MAPRE2: variants seen among roughly 807,000 people sequenced by gnomAD.
MAPRE2 encodes microtubule-associated protein RP/EB family member 2.
MAPRE2 carries 13 observed loss-of-function variants against 43.2 expected under a neutral mutation model. That is an observed-to-expected ratio of 0.30 (90% CI 0.20 to 0.48). The LOEUF is 0.48. MAPRE2 is among the 20% of genes least tolerant of loss of function. The pLI, the probability that MAPRE2 is intolerant of heterozygous loss-of-function variation, is 0.99. For missense variants in MAPRE2, 161 were observed against 400.2 expected, an observed-to-expected ratio of 0.40 and a Z score of 5.10; for synonymous variants, 135 against 148.8, an observed-to-expected ratio of 0.91 and a Z score of 0.68.
Position 35,080,727 on chromosome 18 carries a change from G to A in MAPRE2, c.250+10405G>A, listed in dbSNP as rs1453613709. ...GGAGTGTCAGAAATCACTGTCAAAT[G>A]TTTGGGCATGTTAGAATTGCATACC... On this transcript the variant is annotated intron_variant, in intron 2 of 6. Transcript: ENST00000300249. Among the ~76,000 whole-genome samples, 5 of 152,010 alleles carry A rather than the reference G, an allele frequency of 3.3e-5. No individual in the cohort carries two copies. The South Asian group carries it at 6.2e-4, about 19-fold the overall frequency.
chr18:35,132,300 T>C, intron 6 of MAPRE2, 110 bp downstream of exon 6: 1 of 984,938 alleles, frequency 1.0e-6, no homozygotes, highest in Non-Finnish European at 1.5e-6. Flanking sequence ...TGAGAATTAC[T>C]GCTCAGCCAA....
At chr18:35,003,295 G>C (rs1442067394) in intron 1 of MAPRE2, among the ~76,000 whole-genome samples, 3 of 152,164 alleles carry the variant, frequency 2.0e-5, no homozygotes, top group Non-Finnish European at 4.4e-5. Context: ...TCAAATGACT[G>C]CTATTAAGGT....
At chr18:35,021,097 G>T (rs951513932) in intron 2 of MAPRE2, among the ~76,000 whole-genome samples, 1 of 152,132 alleles carries the variant, frequency 6.6e-6, no homozygotes, top group East Asian at 1.9e-4. Context: ...CATCTCAAGG[G>T]GGCAGAGAGA....
rs964746935 is a variant in MAPRE2 at position 35,140,710 on chromosome 18, C to G, written c.*341C>G. The G allele has an allele frequency of 2.9e-5, 8 of 280,432 alleles. No homozygotes were observed. The highest frequency in any genetic ancestry group is 1.7e-4 in the African/African-American group (8 of 46,896). 17.4% of individuals were successfully genotyped at this position (280,432 alleles called of 1,614,324 possible). ...CACTGCCACCACCCCTCTTTTTATCCTGGTGTGAAACAATGGTAATTTGAT... is the reference window on the plus strand; with the variant it reads ...CACTGCCACCACCCCTCTTTTTATCGTGGTGTGAAACAATGGTAATTTGAT... On this transcript the variant is annotated 3_prime_UTR_variant, in exon 7 of 7. Coordinates refer to ENST00000300249, the MANE Select transcript of MAPRE2 (RefSeq NM_014268.4).
intron 2 of MAPRE2, among the ~76,000 whole-genome samples, chr18:35,029,374 A>G (rs773799625): frequency 2.6e-5 from 4 of 152,184 alleles, no homozygotes; most frequent in Non-Finnish European, 2.9e-5. Context: ...GGTACACACC[A>G]GACTTGACAG....
At chr18:35,023,990 A>G (rs2097043555) in intron 2 of MAPRE2, among the ~76,000 whole-genome samples, 1 of 152,210 alleles carries the variant, frequency 6.6e-6, no homozygotes, top group African/African-American at 2.4e-5. Flanking sequence ...TTATTTAATC[A>G]CAAATGTCAA....
intron 1 of MAPRE2, among the ~76,000 whole-genome samples, chr18:35,055,300 A>AT (rs1906159141): frequency 6.6e-6 from 1 of 151,974 alleles, no homozygotes; most frequent in Non-Finnish European, 1.5e-5. Context: ...TTTGGCCCCC[A>AT]TGTGCTCCTT....
intron 2 of MAPRE2, among the ~76,000 whole-genome samples, chr18:35,016,957 CTTGAG>C (rs1247534051): frequency 2.6e-5 from 4 of 151,908 alleles, no homozygotes; most frequent in Non-Finnish European, 5.9e-5. Flanking sequence ...TTTAATCCAT[CTTGAG>C]TTAACTTTTG....
At position 35,137,016 on chromosome 18, in the gene MAPRE2, A is replaced by G. The variant is rs184043534; in HGVS notation, c.910-3279A>G. Among the ~76,000 whole-genome samples, 12 of 152,332 alleles carry G rather than the reference A, an allele frequency of 7.9e-5. No individual in the cohort carries two copies. In the East Asian group the frequency reaches 2.3e-3, roughly 29 times the overall value. On this transcript the variant is annotated intron_variant, in intron 6 of 6. Transcript: ENST00000300249. ...ATGGGTTTAAGTTCTTCATTCTCGT[A>G]TAAGGCATAGAAAAAGATTGTTTTT... is the stretch of plus-strand genomic sequence containing the variant.
chr18:35,064,907 C>G (rs1399313890), intron 1 of MAPRE2, among the ~76,000 whole-genome samples: 1 of 152,200 alleles, frequency 6.6e-6, no homozygotes, highest in African/African-American at 2.4e-5. Flanking sequence ...TGGTCACTAT[C>G]CACAGACAAG....
At chr18:35,017,463 G>A (rs896649394) in intron 2 of MAPRE2, among the ~76,000 whole-genome samples, 1 of 151,712 alleles carries the variant, frequency 6.6e-6, no homozygotes, top group East Asian at 1.9e-4. Flanking sequence ...ATTTGTTTGT[G>A]TCATCTCTGA....
At chr18:35,062,368 T>C (rs1906575607) in intron 1 of MAPRE2, among the ~76,000 whole-genome samples, 1 of 152,266 alleles carries the variant, frequency 6.6e-6, no homozygotes. Context: ...GATAAATCTC[T>C]TTTTAAATTC....
intron 4 of MAPRE2, among the ~76,000 whole-genome samples, chr18:35,112,021 T>C (rs139801628): frequency 6.6e-6 from 1 of 152,204 alleles, no homozygotes; most frequent in Admixed American, 6.5e-5. Flanking sequence ...ACCTTACGTA[T>C]GTCTTTAAGG....
chr18:35,009,122 A>G (rs954170929), intron 2 of MAPRE2, among the ~76,000 whole-genome samples: 2 of 152,162 alleles, frequency 1.3e-5, no homozygotes, highest in African/African-American at 4.8e-5. Flanking sequence ...ACTAAGATAT[A>G]TGTAAACGAC....
chr18:35,028,656 T>C (rs2097046431), intron 2 of MAPRE2, among the ~76,000 whole-genome samples: 1 of 152,172 alleles, frequency 6.6e-6, no homozygotes, highest in Admixed American at 6.5e-5. Context: ...TTTGGCAAGC[T>C]CTGCTACAAC....
intron 2 of MAPRE2, among the ~76,000 whole-genome samples, chr18:35,094,816 A>G (rs771019306): frequency 6.6e-6 from 1 of 152,004 alleles, no homozygotes; most frequent in Non-Finnish European, 1.5e-5. Flanking sequence ...AGACCCCACC[A>G]CTCTGCCACC....
At chr18:35,032,940 G>A (rs939239264) in intron 2 of MAPRE2, among the ~76,000 whole-genome samples, 1 of 152,028 alleles carries the variant, frequency 6.6e-6, no homozygotes, top group Non-Finnish European at 1.5e-5. Context: ...ACAGATAGTT[G>A]CTGATTCCCA....
chr18:35,074,417 C>T (rs1294683339), intron 2 of MAPRE2, among the ~76,000 whole-genome samples: 1 of 151,860 alleles, frequency 6.6e-6, no homozygotes, highest in Non-Finnish European at 1.5e-5. Context: ...CTTTAGATAC[C>T]TTAGTGGAGG....
At chr18:35,026,094 G>C (rs2097044957) in intron 2 of MAPRE2, among the ~76,000 whole-genome samples, 1 of 152,136 alleles carries the variant, frequency 6.6e-6, no homozygotes. Context: ...GTGAAGCAAG[G>C]AAACCTCTCT....
Sources: allele counts gnomAD v4.1 joint callset (sites outside exome capture counted in the v4.1 genomes callset), GRCh38; gene constraint gnomAD v4.1.1; transcripts MANE v1.5; gene names NCBI Gene and HGNC (gene_info 2026-07-23, HGNC 2026-07-21).